ARFIP1: variants seen among roughly 807,000 people sequenced by gnomAD.
ARFIP1 encodes the protein arfaptin-1.
In ARFIP1, 24 loss-of-function variants were observed where a neutral mutation model predicts 42.5. The ratio of observed to expected loss-of-function variants is 0.57; its 90% CI spans 0.41 to 0.80. The LOEUF (loss-of-function observed/expected upper bound fraction) is 0.80. Ranked by LOEUF, ARFIP1 falls within the 30% of genes least tolerant of loss-of-function variation. The pLI is 0.00. For missense variants in ARFIP1, 354 were observed against 434.0 expected (o/e 0.82, Z 1.64); for synonymous variants, 141 against 153.7 (o/e 0.92, Z 0.61).
At chr4:152,786,554 T>G (rs1212988847) in intron 1 of ARFIP1, among the ~76,000 whole-genome samples, 1 of 152,238 alleles carries the variant, frequency 6.6e-6, no homozygotes, top group African/African-American at 2.4e-5. Flanking sequence ...CACTTCATCT[T>G]GCCTGAAACT....
intron 1 of ARFIP1, among the ~76,000 whole-genome samples, chr4:152,813,157 T>A (rs1362153926): frequency 6.6e-6 from 1 of 152,230 alleles, no homozygotes; most frequent in African/African-American, 2.4e-5. Context: ...CAGTTACTTA[T>A]ATAGCATTTG....
At chr4:152,872,655 C>A in intron 5 of ARFIP1, 91 bp downstream of exon 5, 1 of 625,000 alleles carries the variant, frequency 1.6e-6, no homozygotes, top group Non-Finnish European at 2.6e-6. Context: ...ATTAAATGCA[C>A]ATAGAGAAGA....
In ARFIP1 at chr4:152,910,672, AAAG is replaced by A. The variant is rs1305821937; in HGVS notation, c.*456_*458del. The A allele has an allele frequency of 2.6e-5, 4 of 153,648 alleles. No individual in the cohort carries two copies. Among genetic ancestry groups the A allele is most frequent in the African/African-American group, 7.2e-5 (3 of 41,446 alleles). The allele number at this position is 153,648 out of a possible 1,614,324, so 9.5% of individuals were successfully genotyped here. ...GATTCATTTTCATGTATTAAAGAAAAAAGAAACTATTTTGCAGAGTAAAGTTAT... is the reference window on the plus strand; with the variant it reads ...GATTCATTTTCATGTATTAAAGAAAAAAACTATTTTGCAGAGTAAAGTTAT... On this transcript the variant is annotated 3_prime_UTR_variant, in exon 9 of 9. Transcript: ENST00000353617.
At chr4:152,897,015 A>G (rs531649715) in intron 8 of ARFIP1, among the ~76,000 whole-genome samples, 5 of 152,340 alleles carry the variant, frequency 3.3e-5, no homozygotes, top group African/African-American at 9.6e-5. Context: ...ATCTTAACAT[A>G]TGGTGCAACA....
chr4:152,807,167 T>A (rs965812506), intron 1 of ARFIP1: 3 of 147,392 alleles, frequency 2.0e-5, no homozygotes, highest in Non-Finnish European at 4.5e-5. Context: ...ATTTGTTTAT[T>A]CATTAACCTA....
chr4:152,888,125 C>A lies in ARFIP1; in HGVS notation c.792-8C>A. 6.3e-7 allele frequency: 1 copy of A among 1,587,934 alleles called. No individual in the cohort carries two copies. Among genetic ancestry groups the A allele is most frequent in the Non-Finnish European group, 8.5e-7 (1 of 1,170,472 alleles). On this transcript the variant is annotated splice_polypyrimidine_tract_variant and splice_region_variant and intron_variant, in intron 7 of 8. Coordinates refer to ENST00000353617, the MANE Select transcript of ARFIP1 (RefSeq NM_001025595.3). ...TGTAGTATGCTTCACTTACTCTCTTCTTTCCAGGATTGAATATGATGCATA... is the reference window on the plus strand; with the variant it reads ...TGTAGTATGCTTCACTTACTCTCTTATTTCCAGGATTGAATATGATGCATA...
At chr4:152,799,166 AT>A in intron 1 of ARFIP1, among the ~76,000 whole-genome samples, 1 of 152,136 alleles carries the variant, frequency 6.6e-6, no homozygotes, top group East Asian at 1.9e-4. Context: ...TTGCCAAATA[AT>A]TTTTCTGAAT....
chr4:152,842,123 A>G (rs1027626633), intron 2 of ARFIP1, among the ~76,000 whole-genome samples: 5 of 152,082 alleles, frequency 3.3e-5, no homozygotes, highest in African/African-American at 4.8e-5. Flanking sequence ...CACCCAACCA[A>G]TCAGATAGTA....
intron 8 of ARFIP1, among the ~76,000 whole-genome samples, chr4:152,891,682 G>A (rs906909322): frequency 6.6e-6 from 1 of 151,554 alleles, no homozygotes; most frequent in Non-Finnish European, 1.5e-5. Context: ...AATCTACTTA[G>A]CACTTTAATT....
In ARFIP1 at chr4:152,910,858, G is replaced by A. The variant is rs1411585484; in HGVS notation, c.*639G>A. On this transcript the variant is annotated 3_prime_UTR_variant, in exon 9 of 9. Coordinates refer to ENST00000353617, the MANE Select transcript of ARFIP1 (RefSeq NM_001025595.3). ...AGAAATCACACTGTCATTTCTGTGA[G>A]GCTTTTAAGCTTATGAATTTGCTTC... The A allele has an allele frequency of 2.0e-5, 3 of 152,202 alleles. No homozygotes were observed. The highest frequency in any genetic ancestry group is 4.4e-5 in the Non-Finnish European group (3 of 67,988). 9.4% of individuals were successfully genotyped at this position (152,202 alleles called of 1,614,324 possible). A position where few individuals can be genotyped will look rare whatever the true frequency, so the allele number is the denominator to read the frequency against.
In ARFIP1 at chr4:152,864,251, G is replaced by T. The variant is rs930891179; in HGVS notation, c.202+537G>T. Among the ~76,000 whole-genome samples, 7 of 152,238 alleles carry T rather than the reference G, an allele frequency of 4.6e-5. No homozygotes were observed. In the South Asian group the frequency reaches 1.2e-3, roughly 27 times the overall value. ...TACCTGAGATATAGTGGTATCTTAT[G>T]ATTGATCTTGCCTCAGTTTCTGACT... On this transcript the variant is annotated intron_variant, in intron 3 of 8. Transcript: ENST00000353617.
At chr4:152,784,193 A>G (rs558882943) in intron 1 of ARFIP1, among the ~76,000 whole-genome samples, 5 of 152,292 alleles carry the variant, frequency 3.3e-5, no homozygotes, top group South Asian at 2.1e-4. Flanking sequence ...GATCATGACA[A>G]TCTAAAAGTC....
intron 3 of ARFIP1, among the ~76,000 whole-genome samples, chr4:152,864,101 A>G (rs989266666): frequency 3.9e-5 from 6 of 152,184 alleles, no homozygotes; most frequent in South Asian, 2.1e-4. Context: ...TTTACGTTAT[A>G]TAGGAGGTCT....
At chr4:152,880,244 G>A (rs1578996687) in intron 5 of ARFIP1, among the ~76,000 whole-genome samples, 1 of 152,002 alleles carries the variant, frequency 6.6e-6, no homozygotes, top group South Asian at 2.1e-4. Flanking sequence ...TTAGGAGGCC[G>A]AGACATGAGA....
intron 1 of ARFIP1, chr4:152,807,099 T>C (rs1729048715): frequency 6.6e-6 from 1 of 152,150 alleles, no homozygotes; most frequent in Non-Finnish European, 1.5e-5. Context: ...GTTGCATGCA[T>C]CAGTAGTTCA....
chr4:152,825,215 A>T (rs1018075089), intron 1 of ARFIP1, among the ~76,000 whole-genome samples: 1 of 152,200 alleles, frequency 6.6e-6, no homozygotes, highest in Non-Finnish European at 1.5e-5. Flanking sequence ...CCTAAAATTC[A>T]TATGGAACCA....
At chr4:152,820,625 G>A (rs1730293396) in intron 1 of ARFIP1, among the ~76,000 whole-genome samples, 1 of 152,098 alleles carries the variant, frequency 6.6e-6, no homozygotes, top group Non-Finnish European at 1.5e-5. Context: ...GAATGAAGGG[G>A]GAAGTGCTAC....
intron 8 of ARFIP1, among the ~76,000 whole-genome samples, chr4:152,889,129 T>TAA (rs1335052126): frequency 3.3e-5 from 5 of 152,118 alleles, no homozygotes; most frequent in Non-Finnish European, 1.5e-5. Flanking sequence ...GGTACCCTCT[T>TAA]AAAATTGTTT....
chr4:152,877,292 C>T (rs1480414512), intron 5 of ARFIP1, among the ~76,000 whole-genome samples: 1 of 152,104 alleles, frequency 6.6e-6, no homozygotes, highest in Non-Finnish European at 1.5e-5. Context: ...CATGGGAACC[C>T]ACCTCCTGCA....
Sources: gnomAD v4.1 joint callset for allele counts (sites outside exome capture counted in the v4.1 genomes callset) on GRCh38, gnomAD v4.1.1 for gene constraint, MANE v1.5 for transcripts, NCBI Gene and HGNC (gene_info 2026-07-23, HGNC 2026-07-21) for gene names.